ECHDC1: variants seen among roughly 807,000 people sequenced by gnomAD.
ECHDC1 encodes the protein ethylmalonyl-CoA decarboxylase.
A neutral mutation model predicts 29.7 loss-of-function variants in ECHDC1; 29 were observed. That is an observed-to-expected ratio of 0.98 (90% CI 0.73 to 1.33). ECHDC1 has a LOEUF of 1.33. Ranked by LOEUF, ECHDC1 falls within the 40% of genes most tolerant of loss-of-function variation. ECHDC1 has a pLI of 0.00. For missense variants in ECHDC1, 328 were observed against 350.0 expected, an observed-to-expected ratio of 0.94 and a Z score of 0.50; for synonymous variants, 126 against 123.1, an observed-to-expected ratio of 1.02 and a Z score of -0.15.
In ECHDC1 at chr6:127,289,653, T is replaced by C. The variant is rs1779943862; in HGVS notation, c.*216A>G. The C allele has an allele frequency of 2.1e-6, 1 of 483,014 alleles. No individual in the cohort carries two copies. The highest frequency in any genetic ancestry group is 5.6e-4 in the Middle Eastern group (1 of 1,794). 29.9% of individuals were successfully genotyped at this position (483,014 alleles called of 1,614,324 possible). On this transcript the variant is annotated 3_prime_UTR_variant, in exon 6 of 6. Coordinates refer to ENST00000454859, the MANE Select transcript of ECHDC1 (RefSeq NM_001002030.2). Reference sequence around the variant, plus strand: ...ATAATTTTTAAGCCAAAAGTGTATATTTTAGCTAAATGTTCCAGATTACGC... The same window carrying C: ...ATAATTTTTAAGCCAAAAGTGTATACTTTAGCTAAATGTTCCAGATTACGC...
rs9491729 is a variant in ECHDC1 at position 127,307,251 on chromosome 6, A to G, written c.497+7565T>C. Among the ~76,000 whole-genome samples the G allele has an allele frequency of 4.8e-3, 733 of 152,336 alleles. 10 individuals are homozygous for G. The highest frequency in any genetic ancestry group is 0.017 in the African/African-American group (697 of 41,568). ...TCAAATAACCTAATAATGCATCTTA[A>G]AGAACTAGAAAAGCAAGAGCAAGCC... On this transcript the variant is annotated intron_variant, in intron 5 of 5. Transcript: ENST00000454859.
At chr6:127,340,793 C>G (rs1318146758) in intron 1 of ECHDC1, among the ~76,000 whole-genome samples, 1 of 150,334 alleles carries the variant, frequency 6.7e-6, no homozygotes, top group Non-Finnish European at 1.5e-5. Context: ...GAGGAAGAAA[C>G]AAGGAGTTAA....
intron 3 of ECHDC1, 21 bp from the exon 4 acceptor site, chr6:127,316,523 A>C (rs1782394054): frequency 6.3e-7 from 1 of 1,588,570 alleles, no homozygotes; most frequent in South Asian, 1.2e-5. Flanking sequence ...AAATAAGCAG[A>C]AACACAAAGG....
At chr6:127,320,729 A>G (rs369727438) in intron 3 of ECHDC1, among the ~76,000 whole-genome samples, 2 of 152,272 alleles carry the variant, frequency 1.3e-5, no homozygotes, top group East Asian at 3.9e-4. Context: ...TTTCCAATAC[A>G]TAACTTTTCA....
intron 1 of ECHDC1, among the ~76,000 whole-genome samples, chr6:127,333,618 T>C (rs1562334031): frequency 6.6e-6 from 1 of 150,928 alleles, no homozygotes; most frequent in Non-Finnish European, 1.5e-5. Context: ...TAGCTTGAAA[T>C]TGACCATGGT....
chr6:127,291,950 A>G (rs1780231551), intron 5 of ECHDC1, among the ~76,000 whole-genome samples: 1 of 152,148 alleles, frequency 6.6e-6, no homozygotes, highest in Admixed American at 6.6e-5. Context: ...AACAAGTCTT[A>G]TAAAAATCTG....
chr6:127,336,858 CA>C (rs1784466606), intron 1 of ECHDC1, among the ~76,000 whole-genome samples: 1 of 152,098 alleles, frequency 6.6e-6, no homozygotes, highest in Non-Finnish European at 1.5e-5. Context: ...ATGTAAATAT[CA>C]AGTTGCCTCA....
rs770723887 is a variant in ECHDC1, at chr6:127,338,619, A to C, written c.-3+4717T>G. On this transcript the variant is annotated intron_variant, in intron 1 of 5. Transcript: ENST00000454859. Reference sequence around the variant, plus strand: ...CCAGCTCTGCTAGGGAGTAAAGTAAATATCAAATGTATATACTCACATACA... The same window carrying C: ...CCAGCTCTGCTAGGGAGTAAAGTAACTATCAAATGTATATACTCACATACA... 1.7e-3 allele frequency among the ~76,000 whole-genome samples: 253 copies of C among 152,312 alleles called. 2 individuals carry two copies. Among genetic ancestry groups the C allele is most frequent in the Non-Finnish European group, 2.3e-3 (157 of 68,002 alleles).
At chr6:127,335,974 G>T (rs1298940949) in intron 1 of ECHDC1, among the ~76,000 whole-genome samples, 1 of 151,932 alleles carries the variant, frequency 6.6e-6, no homozygotes, top group African/African-American at 2.4e-5. Context: ...AGATTTTAAG[G>T]TATCTAAGGC....
intron 5 of ECHDC1, among the ~76,000 whole-genome samples, chr6:127,309,292 A>G (rs543316614): frequency 6.6e-6 from 1 of 152,274 alleles, no homozygotes; most frequent in East Asian, 1.9e-4. Context: ...CTACACATAT[A>G]CAGGCAACTC....
chr6:127,321,183 T>G (rs948964498), intron 3 of ECHDC1, among the ~76,000 whole-genome samples: 1 of 152,194 alleles, frequency 6.6e-6, no homozygotes. Context: ...TTCAGTTATC[T>G]CATCATCCTC....
chr6:127,289,829 A>T lies in ECHDC1; in HGVS notation c.*40T>A. On this transcript the variant is annotated 3_prime_UTR_variant, in exon 6 of 6. Transcript: ENST00000454859. ...CATTTAACATTTATACATATTAGTCACTGGAGCTTTACTTGGAGTACATCC... is the reference window on the plus strand; with the variant it reads ...CATTTAACATTTATACATATTAGTCTCTGGAGCTTTACTTGGAGTACATCC... The T allele has an allele frequency of 2.6e-6, 4 of 1,541,670 alleles. No individual in the cohort carries two copies. The highest frequency in any genetic ancestry group is 2.0e-5 in the Admixed American group (1 of 50,658).
At chr6:127,297,661 GCA>G (rs1369891847) in intron 5 of ECHDC1, among the ~76,000 whole-genome samples, 1 of 152,196 alleles carries the variant, frequency 6.6e-6, no homozygotes, top group Non-Finnish European at 1.5e-5. Flanking sequence ...GTGGGAACCT[GCA>G]AAGGAATGGG....
At chr6:127,324,205 A>C (rs1251569827) in intron 3 of ECHDC1, among the ~76,000 whole-genome samples, 8 of 152,194 alleles carry the variant, frequency 5.3e-5, no homozygotes, top group Non-Finnish European at 1.2e-4. Flanking sequence ...TATGACTGCT[A>C]AAGGAAAAGT....
intron 3 of ECHDC1, among the ~76,000 whole-genome samples, chr6:127,323,777 T>G (rs1783052550): frequency 6.6e-6 from 1 of 152,152 alleles, no homozygotes; most frequent in African/African-American, 2.4e-5. Context: ...TTTTTTCCCT[T>G]TCTAATTTCA....
chr6:127,332,739 G>A (rs1343795376), intron 1 of ECHDC1, among the ~76,000 whole-genome samples: 1 of 152,138 alleles, frequency 6.6e-6, no homozygotes, highest in East Asian at 1.9e-4. Context: ...GGCAGAGGAA[G>A]TAATCAGATG....
At chr6:127,309,146 A>C (rs1781676389) in intron 5 of ECHDC1, among the ~76,000 whole-genome samples, 1 of 152,184 alleles carries the variant, frequency 6.6e-6, no homozygotes, top group Non-Finnish European at 1.5e-5. Context: ...AGAATAGCCA[A>C]AACTATGCTC....
At chr6:127,293,631 A>T (rs1780367888) in intron 5 of ECHDC1, among the ~76,000 whole-genome samples, 1 of 152,192 alleles carries the variant, frequency 6.6e-6, no homozygotes, top group Non-Finnish European at 1.5e-5. Flanking sequence ...TGTATGTTTT[A>T]AAAAATTGTG....
Position 127,327,069 on chromosome 6 carries a change from C to T in ECHDC1, c.296G>A (p.Arg99His), listed in dbSNP as rs139279922. ...TGAAGAGAAAGTATTTTTTGCCCCA[C>T]GGACAATGAGGCCTTTCCCCTCTGT... is the stretch of plus-strand genomic sequence containing the variant. The part of the protein sequence containing the change: ...NWTEGKGLIV[R>H]GAKNTFSSGS... Residue 99 changes from arginine to histidine, a missense_variant, in exon 3 of 6, where the codon CGT becomes CAT. Transcript: ENST00000454859. The T allele has an allele frequency of 1.4e-4, 218 of 1,613,670 alleles. No individual in the cohort carries two copies. The highest frequency in any genetic ancestry group is 1.7e-4 in the Non-Finnish European group (202 of 1,179,850).
Sources: gnomAD v4.1 joint callset for allele counts (sites outside exome capture counted in the v4.1 genomes callset) on GRCh38, gnomAD v4.1.1 for gene constraint, MANE v1.5 for transcripts, NCBI Gene and HGNC (gene_info 2026-07-23, HGNC 2026-07-21) for gene names.